FAF1: variants seen among roughly 807,000 people sequenced by gnomAD.
FAF1 encodes the protein FAS-associated factor 1.
Under a neutral mutation model 92.5 loss-of-function variants are expected in FAF1, and 25 were observed. The observed-to-expected ratio is 0.27, with a 90% CI of 0.20 to 0.38. The LOEUF is 0.38. Ranked by LOEUF, FAF1 falls within the 10% of genes least tolerant of loss-of-function variation. FAF1 has a pLI of 1.00. For synonymous variants in FAF1, 234 were observed against 273.2 expected (o/e 0.86, Z 1.42); for missense variants, 636 against 793.3 (o/e 0.80, Z 2.38).
intron 2 of FAF1, among the ~76,000 whole-genome samples, chr1:50,836,170 G>GTTTTTTTGTTTTTT (rs1553144965): frequency 7.1e-5 from 7 of 98,520 alleles, no homozygotes; most frequent in Non-Finnish European, 1.0e-4. Context: ...TTTTGTTTCT[G>GTTTTTTTGTTTTTT]TTTTTTTTTT....
intron 7 of FAF1, among the ~76,000 whole-genome samples, chr1:50,659,108 G>C (rs534519347): frequency 3.9e-5 from 6 of 152,194 alleles, no homozygotes; most frequent in Admixed American, 2.0e-4. Flanking sequence ...AAAAAAGTTA[G>C]TATTCTAGGA....
chr1:50,896,804 T>C (rs1370192218), intron 1 of FAF1, among the ~76,000 whole-genome samples: 1 of 152,222 alleles, frequency 6.6e-6, no homozygotes, highest in East Asian at 1.9e-4. Context: ...GGAAAATTTG[T>C]GTTTAATGCA....
At chr1:50,829,885 C>G (rs1300982001) in intron 2 of FAF1, among the ~76,000 whole-genome samples, 1 of 152,178 alleles carries the variant, frequency 6.6e-6, no homozygotes, top group South Asian at 2.1e-4. Flanking sequence ...AAAAGCACTA[C>G]TAGTTTGAAA....
At chr1:50,955,673 A>G (rs939822124) in intron 1 of FAF1, among the ~76,000 whole-genome samples, 3 of 152,238 alleles carry the variant, frequency 2.0e-5, no homozygotes, top group Non-Finnish European at 4.4e-5. Flanking sequence ...AAGCTGGAAC[A>G]TATATTTGAA....
intron 12 of FAF1, among the ~76,000 whole-genome samples, chr1:50,580,261 C>T (rs1000781719): frequency 2.7e-4 from 41 of 151,572 alleles, no homozygotes; most frequent in Non-Finnish European, 5.8e-4. Context: ...CAACATTTGT[C>T]ATTTTTAATC....
chr1:50,472,087 G>A (rs938725895), intron 18 of FAF1, among the ~76,000 whole-genome samples: 1 of 151,974 alleles, frequency 6.6e-6, no homozygotes, highest in African/African-American at 2.4e-5. Context: ...TCTGGGAAGG[G>A]CCTATGTTTG....
At position 50,788,907 on chromosome 1, in the gene FAF1, T is replaced by C. The variant is rs190755596; in HGVS notation, c.162-702A>G. Among the ~76,000 whole-genome samples the C allele has an allele frequency of 3.2e-3, 494 of 152,228 alleles. 1 individual carries two copies. The highest frequency in any genetic ancestry group is 0.011 in the African/African-American group (472 of 41,550). ...ACAGCAGTGGCACAATCTTGGCTCATTGCAGCCTCAAACTCCTGGACTCCA... is the reference window on the plus strand; with the variant it reads ...ACAGCAGTGGCACAATCTTGGCTCACTGCAGCCTCAAACTCCTGGACTCCA... On this transcript the variant is annotated intron_variant, in intron 3 of 18. Transcript: ENST00000396153.
At chr1:50,735,263 A>G (rs1659092562) in intron 6 of FAF1, among the ~76,000 whole-genome samples, 2 of 152,210 alleles carry the variant, frequency 1.3e-5, no homozygotes, top group Admixed American at 6.5e-5. Flanking sequence ...AATAGAATTT[A>G]TAGTTGTATC....
intron 2 of FAF1, among the ~76,000 whole-genome samples, chr1:50,815,350 G>C (rs529967398): frequency 9.9e-5 from 15 of 152,230 alleles, no homozygotes; most frequent in African/African-American, 3.4e-4. Context: ...AATTCGCTTA[G>C]GATTATGGCC....
chr1:50,682,013 T>C (rs1656448627), intron 7 of FAF1, among the ~76,000 whole-genome samples: 1 of 151,612 alleles, frequency 6.6e-6, no homozygotes, highest in African/African-American at 2.4e-5. Flanking sequence ...TTTGTATTTT[T>C]TTGTAGAGTC....
intron 8 of FAF1, among the ~76,000 whole-genome samples, chr1:50,628,868 A>G (rs750310613): frequency 2.0e-5 from 3 of 152,230 alleles, no homozygotes; most frequent in Non-Finnish European, 2.9e-5. Flanking sequence ...CTGATCTTCT[A>G]CTACTAAGAG....
intron 9 of FAF1, among the ~76,000 whole-genome samples, chr1:50,592,415 A>G (rs1651563635): frequency 6.6e-6 from 1 of 152,144 alleles, no homozygotes; most frequent in Non-Finnish European, 1.5e-5. Flanking sequence ...CTAGCTAGGT[A>G]TCCAGAAATA....
chr1:50,536,921 A>G (rs972077640), intron 14 of FAF1, among the ~76,000 whole-genome samples: 1 of 152,180 alleles, frequency 6.6e-6, no homozygotes, highest in Non-Finnish European at 1.5e-5. Context: ...AATCATTGGT[A>G]GTTAATATTA....
At chr1:50,899,600 G>A (rs1031605916) in intron 1 of FAF1, among the ~76,000 whole-genome samples, 10 of 151,994 alleles carry the variant, frequency 6.6e-5, no homozygotes, top group African/African-American at 1.2e-4. Flanking sequence ...ATACAGGCGC[G>A]TGCCACCACA....
rs575257602 is a variant in FAF1 at position 50,830,542 on chromosome 1, ATCT to A, written c.114+27384_114+27386del. Among the ~76,000 whole-genome samples the A allele has an allele frequency of 3.9e-3, 596 of 152,358 alleles. 2 individuals are homozygous for A. Among genetic ancestry groups the A allele is most frequent in the Non-Finnish European group, 5.6e-3 (382 of 68,038 alleles). Reference sequence around the variant, plus strand: ...GACTGACCATCTCAGCAACTAATACATCTTCTATAAACATTTCCAAGTTTTACC... The same window carrying A: ...GACTGACCATCTCAGCAACTAATACATCTATAAACATTTCCAAGTTTTACC... On this transcript the variant is annotated intron_variant, in intron 2 of 18. Transcript: ENST00000396153.
At chr1:50,928,861 C>G (rs1391452262) in intron 1 of FAF1, among the ~76,000 whole-genome samples, 1 of 149,132 alleles carries the variant, frequency 6.7e-6, no homozygotes, top group Non-Finnish European at 1.5e-5. Flanking sequence ...CTTTGGGAGG[C>G]TAAGCTGAGC....
chr1:50,589,711 T>C (rs1325310643), intron 9 of FAF1, among the ~76,000 whole-genome samples: 2 of 152,220 alleles, frequency 1.3e-5, no homozygotes, highest in Admixed American at 6.5e-5. Context: ...TTTTTTCTTT[T>C]GTTACCTGTG....
intron 8 of FAF1, among the ~76,000 whole-genome samples, chr1:50,647,417 T>C (rs1443729480): frequency 2.6e-5 from 4 of 152,194 alleles, no homozygotes; most frequent in South Asian, 2.1e-4. Context: ...GTCTATAAAT[T>C]TGTTCTAACC....
At chr1:50,925,345 G>A (rs185934396) in intron 1 of FAF1, among the ~76,000 whole-genome samples, 46 of 152,050 alleles carry the variant, frequency 3.0e-4, no homozygotes, top group African/African-American at 1.1e-3. Context: ...GCTTCTCCAC[G>A]GTAAAAGAAA....
Sources: allele counts gnomAD v4.1 joint callset (sites outside exome capture counted in the v4.1 genomes callset), GRCh38; gene constraint gnomAD v4.1.1; transcripts MANE v1.5; gene names NCBI Gene and HGNC (gene_info 2026-07-23, HGNC 2026-07-21).